Variants in BRWD3 observed in about 807,000 individuals in gnomAD.
BRWD3 encodes bromodomain and WD repeat domain containing 3.
BRWD3 carries 10 observed loss-of-function variants against 149.7 expected under a neutral mutation model. The ratio of observed to expected loss-of-function variants is 0.07; its 90% CI spans 0.04 to 0.11. The LOEUF (loss-of-function observed/expected upper bound fraction) is 0.11, where lower values mean the gene tolerates loss of function less well. BRWD3 is among the 10% of genes least tolerant of loss of function. BRWD3 has a pLI of 1.00. For synonymous variants in BRWD3, 504 were observed against 456.7 expected, an observed-to-expected ratio of 1.10 and a Z score of -1.32; for missense variants, 940 against 1,373.2, an observed-to-expected ratio of 0.68 and a Z score of 4.99.
intron 20 of BRWD3, among the ~76,000 whole-genome samples, chrX:80,711,249 T>G (rs1021759163): frequency 7.1e-5 from 8 of 111,899 alleles, no homozygotes; most frequent in African/African-American, 9.7e-5. Context: ...AACTCTGATC[T>G]TTTATTTCTC....
At chrX:80,708,603 G>A (rs1417109604) in intron 21 of BRWD3, among the ~76,000 whole-genome samples, 1 of 111,303 alleles carries the variant, frequency 9.0e-6, no homozygotes, top group East Asian at 2.8e-4. Context: ...ATCACCTGAG[G>A]TCAAGAGTTC....
At position 80,762,491 on chromosome X, in the gene BRWD3, G is replaced by A. The variant is rs182142162; in HGVS notation, c.431-16762C>T. 7.5e-4 allele frequency among the ~76,000 whole-genome samples: 83 copies of A among 110,137 alleles called. 1 individual carries two copies. Among genetic ancestry groups the A allele is most frequent in the African/African-American group, 2.6e-3 (79 of 30,264 alleles). ...TAAAAGATATTAATGGATCTAAAGC[G>A]GTGAACTCCTCCTCATTTTTCTGGG... On this transcript the variant is annotated intron_variant, in intron 6 of 40. Coordinates refer to ENST00000373275, the MANE Select transcript of BRWD3 (RefSeq NM_153252.5).
intron 33 of BRWD3, 81 bp from the exon 34 acceptor site, chrX:80,688,206 C>T (rs760607919): frequency 1.6e-4 from 130 of 814,816 alleles, no homozygotes; most frequent in Non-Finnish European, 1.7e-4. Context: ...TACAAATAAA[C>T]GGGAAATAAA....
intron 40 of BRWD3, among the ~76,000 whole-genome samples, chrX:80,680,882 C>A (rs1262456719): frequency 9.1e-6 from 1 of 109,362 alleles, no homozygotes; most frequent in Admixed American, 9.8e-5. Context: ...AATCACAGCT[C>A]ACTGTAGTCT....
At position 80,735,673 on chromosome X, in the gene BRWD3, G is replaced by A. The variant is rs192301105; in HGVS notation, c.914+315C>T. Among the ~76,000 whole-genome samples, 9,072 of 108,034 alleles carry A rather than the reference G, an allele frequency of 0.084. 374 individuals carry two copies. The highest frequency in any genetic ancestry group is 0.19 in the South Asian group (472 of 2,440). 93.8% of individuals were successfully genotyped at this position (108,034 alleles called of 115,157 possible). A position where few individuals can be genotyped will look rare whatever the true frequency, so the allele number is the denominator to read the frequency against. On this transcript the variant is annotated intron_variant, in intron 9 of 40. Transcript: ENST00000373275. ...CAAAAAATTAGCCAGGCATAGTGGCGGGTGCCTGTAGTCCCAGCTGCTTGG... is the reference window on the plus strand; with the variant it reads ...CAAAAAATTAGCCAGGCATAGTGGCAGGTGCCTGTAGTCCCAGCTGCTTGG...
chrX:80,780,127 A>T (rs1478983897), intron 6 of BRWD3, among the ~76,000 whole-genome samples: 1 of 111,140 alleles, frequency 9.0e-6, no homozygotes, highest in Non-Finnish European at 1.9e-5. Context: ...GAAGTTTCAG[A>T]CTGCCTTTTC....
intron 6 of BRWD3, among the ~76,000 whole-genome samples, chrX:80,784,232 T>C (rs965674592): frequency 3.8e-4 from 42 of 110,720 alleles, no homozygotes; most frequent in Admixed American, 1.5e-3. Flanking sequence ...AAACCAGAAA[T>C]TGATTATCAG....
Position 80,671,849 on chromosome X carries a change from G to A in BRWD3, c.*4760C>T, listed in dbSNP as rs981210783. On this transcript the variant is annotated 3_prime_UTR_variant, in exon 41 of 41. Coordinates refer to ENST00000373275, the MANE Select transcript of BRWD3 (RefSeq NM_153252.5). The stretch of plus-strand genomic sequence containing the variant: ...CTGTGTAAGACATTACAAAAGACAA[G>A]AATGATAAGTTACAGGACAAAGAAA... 9.0e-6 allele frequency: 1 copy of A among 111,617 alleles called. No individual in the cohort carries two copies. The highest frequency in any genetic ancestry group is 9.5e-5 in the Admixed American group (1 of 10,548). The allele number at this position is 111,617 out of a possible 1,213,427, so 9.2% of individuals were successfully genotyped here.
chrX:80,766,206 A>G (rs2073856562), intron 6 of BRWD3, among the ~76,000 whole-genome samples: 1 of 111,104 alleles, frequency 9.0e-6, no homozygotes, highest in African/African-American at 3.3e-5. Context: ...CTCTCTGTCT[A>G]TTTTCAAGCT....
At chrX:80,768,548 C>A (rs1222850577) in intron 6 of BRWD3, among the ~76,000 whole-genome samples, 5 of 111,300 alleles carry the variant, frequency 4.5e-5, no homozygotes, top group Non-Finnish European at 9.4e-5. Context: ...TTTGTCACCA[C>A]CAGTCCTGCC....
chrX:80,689,669 G>A, intron 33 of BRWD3, 99 bp downstream of exon 33: 1 of 751,451 alleles, frequency 1.3e-6, no homozygotes, highest in Non-Finnish European at 2.0e-6. Context: ...TCAAAAATCT[G>A]TTTTGCTGTT....
At chrX:80,738,882 T>C (rs890988764) in intron 8 of BRWD3, among the ~76,000 whole-genome samples, 5 of 111,573 alleles carry the variant, frequency 4.5e-5, no homozygotes, top group African/African-American at 3.3e-5. Context: ...GTAGATGAGA[T>C]TGAAGAGCGC....
intron 12 of BRWD3, among the ~76,000 whole-genome samples, chrX:80,731,462 G>GT (rs2073328537): frequency 9.0e-6 from 1 of 111,178 alleles, no homozygotes; most frequent in Non-Finnish European, 1.9e-5. Context: ...TTATTTGGTG[G>GT]TTTTTTCATT....
chrX:80,788,417 T>C (rs1467109414), intron 6 of BRWD3, among the ~76,000 whole-genome samples: 1 of 111,422 alleles, frequency 9.0e-6, no homozygotes, highest in Non-Finnish European at 1.9e-5. Context: ...AAAAAATGGG[T>C]GAATACTTCA....
chrX:80,734,884 T>C (rs1362542883), intron 10 of BRWD3, among the ~76,000 whole-genome samples: 1 of 109,497 alleles, frequency 9.1e-6, no homozygotes, highest in African/African-American at 3.3e-5. Context: ...GAGTAGGGGG[T>C]CTGTTTTTTA....
At chrX:80,679,925 G>A (rs2072421333) in intron 40 of BRWD3, among the ~76,000 whole-genome samples, 1 of 111,115 alleles carries the variant, frequency 9.0e-6, no homozygotes, top group Non-Finnish European at 1.9e-5. Context: ...AAAGGCAATG[G>A]CATAAGTATG....
At chrX:80,794,546 T>C (rs953653948) in intron 4 of BRWD3, among the ~76,000 whole-genome samples, 9 of 109,531 alleles carry the variant, frequency 8.2e-5, no homozygotes, top group Non-Finnish European at 1.7e-4. Flanking sequence ...TATATCTCTA[T>C]ATGTATGTGT....
intron 4 of BRWD3, among the ~76,000 whole-genome samples, chrX:80,799,799 G>A (rs1268163604): frequency 9.0e-6 from 1 of 110,775 alleles, no homozygotes; most frequent in Non-Finnish European, 1.9e-5. Flanking sequence ...TATGACCTTA[G>A]GCAAAGTTTC....
chrX:80,712,445 T>C (rs1291741483), intron 20 of BRWD3, among the ~76,000 whole-genome samples: 1 of 110,941 alleles, frequency 9.0e-6, no homozygotes, highest in African/African-American at 3.3e-5. Flanking sequence ...TCTCGTTCAC[T>C]CAGTGCTCAA....
Sources: allele counts gnomAD v4.1 joint callset (sites outside exome capture counted in the v4.1 genomes callset), GRCh38; gene constraint gnomAD v4.1.1; transcripts MANE v1.5; gene names NCBI Gene and HGNC (gene_info 2026-07-23, HGNC 2026-07-21).